Variants in BRD4 observed in about 807,000 individuals in gnomAD.
BRD4 encodes the protein bromodomain containing 4.
Under a neutral mutation model 142.1 loss-of-function variants are expected in BRD4, and 16 were observed. The observed-to-expected ratio is 0.11, with a 90% CI of 0.08 to 0.17. BRD4 has a LOEUF of 0.17. BRD4 is among the 10% of genes least tolerant of loss of function. BRD4 has a pLI of 1.00. For synonymous variants in BRD4, 833 were observed against 707.5 expected (o/e 1.18, Z -2.82); for missense variants, 1,424 against 1,810.9 (o/e 0.79, Z 3.88).
intron 14 of BRD4, 106 bp from the exon 15 acceptor site, chr19:15,240,128 C>A: frequency 1.4e-6 from 2 of 1,439,556 alleles, no homozygotes; most frequent in East Asian, 2.5e-5. Context: ...ACTGCATGTG[C>A]CGCCCAGGCC....
chr19:15,327,917 T>TG (rs2048122872), intron 1 of BRD4, among the ~76,000 whole-genome samples: 1 of 2,164 alleles, frequency 4.6e-4, no homozygotes, highest in Non-Finnish European at 7.2e-4. Flanking sequence ...TGGATTTCTT[T>TG]TGGGGGGGGG....
intron 1 of BRD4, among the ~76,000 whole-genome samples, chr19:15,327,924 G>A (rs1306517612): frequency 8.1e-6 from 1 of 123,680 alleles, no homozygotes; most frequent in Non-Finnish European, 1.7e-5. Flanking sequence ...CTTTTGGGGG[G>A]GGGGGGTGGA....
chr19:15,258,972 C>T (rs940090108), intron 7 of BRD4, among the ~76,000 whole-genome samples: 2 of 152,200 alleles, frequency 1.3e-5, no homozygotes, highest in African/African-American at 4.8e-5. Context: ...CGACCAGAGG[C>T]CATCACCAGT....
intron 11 of BRD4, chr19:15,253,421 T>C: frequency 1.3e-6 from 1 of 799,338 alleles, no homozygotes; most frequent in Non-Finnish European, 2.0e-6. Flanking sequence ...CCACTGAGGC[T>C]GCTGCTCAGA....
intron 4 of BRD4, among the ~76,000 whole-genome samples, chr19:15,266,531 C>T (rs1012929691): frequency 1.3e-5 from 2 of 152,146 alleles, no homozygotes; most frequent in African/African-American, 2.4e-5. Context: ...CCCCTGGTCC[C>T]AGGGAGTGAG....
chr19:15,323,315 C>T (rs1286266519), intron 1 of BRD4, among the ~76,000 whole-genome samples: 2 of 151,784 alleles, frequency 1.3e-5, no homozygotes, highest in African/African-American at 4.8e-5. Flanking sequence ...GGCAACGGGT[C>T]CAAGGACACA....
chr19:15,293,014 C>A (rs1242453907), intron 1 of BRD4, among the ~76,000 whole-genome samples: 1 of 151,956 alleles, frequency 6.6e-6, no homozygotes, highest in Admixed American at 6.6e-5. Context: ...CCAGACCACA[C>A]CAAGTGCACA....
At chr19:15,240,378 A>T (rs917994326) in intron 14 of BRD4, among the ~76,000 whole-genome samples, 8 of 152,320 alleles carry the variant, frequency 5.3e-5, no homozygotes, top group African/African-American at 1.9e-4. Flanking sequence ...ATCCTGACAC[A>T]TGTGGGCTTG....
intron 7 of BRD4, among the ~76,000 whole-genome samples, chr19:15,261,761 T>C (rs1479123280): frequency 6.6e-6 from 1 of 151,934 alleles, no homozygotes; most frequent in Non-Finnish European, 1.5e-5. Context: ...GGCAATACAG[T>C]GACATGCCAT....
chr19:15,269,550 G>A (rs1290028761), intron 2 of BRD4, among the ~76,000 whole-genome samples: 1 of 152,090 alleles, frequency 6.6e-6, no homozygotes, highest in Non-Finnish European at 1.5e-5. Flanking sequence ...TCACCATGAA[G>A]AGCTGCGGAG....
At chr19:15,280,379 G>A (rs1260131669) in intron 1 of BRD4, 2 of 1,016,668 alleles carry the variant, frequency 2.0e-6, no homozygotes, top group Middle Eastern at 4.7e-4. Flanking sequence ...CTTCTCTGCA[G>A]AAGCAGCTGG....
At chr19:15,309,977 A>G (rs2047952482) in intron 1 of BRD4, among the ~76,000 whole-genome samples, 1 of 152,104 alleles carries the variant, frequency 6.6e-6, no homozygotes, top group South Asian at 2.1e-4. Flanking sequence ...TCTGCTCAAG[A>G]GTTGGTAAGC....
intron 11 of BRD4, among the ~76,000 whole-genome samples, chr19:15,251,447 G>GGCGC (rs2047344379): frequency 9.0e-6 from 1 of 111,402 alleles, no homozygotes; most frequent in Non-Finnish European, 1.9e-5. Context: ...ACGGGGGGGG[G>GGCGC]GGGGGGGGCG....
intron 11 of BRD4, chr19:15,249,096 C>T (rs1282444476): frequency 5.3e-6 from 5 of 940,736 alleles, no homozygotes; most frequent in East Asian, 2.7e-5. Flanking sequence ...TTCCCGAAGG[C>T]GGGACTAGGC....
At chr19:15,300,462 G>C (rs1185534156) in intron 1 of BRD4, among the ~76,000 whole-genome samples, 1 of 151,966 alleles carries the variant, frequency 6.6e-6, no homozygotes, top group Non-Finnish European at 1.5e-5. Context: ...GGCTGAGGTG[G>C]AAGAATCACT....
At position 15,244,310 on chromosome 19, in the gene BRD4, C is replaced by A; in HGVS notation, c.2502G>T (p.Glu834Asp). The change falls in exon 13 of 20, where the codon GAG becomes GAT. Residue 834 changes from glutamate (E) to aspartate (D), a missense_variant. Glu to Asp is a conservative substitution (Grantham distance 45). Transcript: ENST00000679869. ...GCGGCTGGGGCAGGTGAGGGGGCAG[C>A]TCAGGCTGCGGCAGGTGCAGGATGG... ...TQPILHLPQP[E>D]LPPHLPQPPE... The A allele has an allele frequency of 6.3e-7, 1 of 1,598,270 alleles. No homozygotes were observed. The highest frequency in any genetic ancestry group is 8.5e-7 in the Non-Finnish European group (1 of 1,174,428).
At chr19:15,249,068 C>A (rs1406734956) in intron 11 of BRD4, 2 of 697,550 alleles carry the variant, frequency 2.9e-6, no homozygotes, top group Non-Finnish European at 4.8e-6. Flanking sequence ...GCCTGGGCGG[C>A]TGGCCAGGCA....
Position 15,253,805 on chromosome 19 carries a change from TC to T in BRD4, c.2158+346del, listed in dbSNP as rs774741279. The T allele has an allele frequency of 3.8e-6, 6 of 1,580,510 alleles. No individual in the cohort carries two copies. The African/African-American group carries it at 8.0e-5, about 21-fold the overall frequency. ...AAAGCTGGGTGTGGTCACATCAAGG[TC>T]AACAGCACAGCCTGGACCCCCACGC... On this transcript the variant is annotated intron_variant, in intron 11 of 19. Coordinates refer to ENST00000679869, the MANE Select transcript of BRD4 (RefSeq NM_001379291.1).
At chr19:15,283,497 A>G (rs1207830382) in intron 1 of BRD4, among the ~76,000 whole-genome samples, 1 of 152,236 alleles carries the variant, frequency 6.6e-6, no homozygotes, top group East Asian at 1.9e-4. Flanking sequence ...TGAGTGGTCA[A>G]GATCACGCCC....
Sources: gnomAD v4.1 joint callset for allele counts (sites outside exome capture counted in the v4.1 genomes callset) on GRCh38, gnomAD v4.1.1 for gene constraint, MANE v1.5 for transcripts, NCBI Gene and HGNC (gene_info 2026-07-23, HGNC 2026-07-21) for gene names.